The following FUT9 variants were observed in gnomAD, a reference collection of about 807,000 sequenced individuals.
The protein encoded by FUT9 is fucosyltransferase 9, also known as 4-galactosyl-N-acetylglucosaminide 3-alpha-L-fucosyltransferase 9.
FUT9 carries 15 observed loss-of-function variants against 29.7 expected under a neutral mutation model. That is an observed-to-expected ratio of 0.51 (90% CI 0.34 to 0.78). FUT9 has a LOEUF of 0.78. Among genes scored for constraint, FUT9 ranks in the 30% least tolerant of loss-of-function variants. FUT9 has a pLI of 0.01. For synonymous variants in FUT9, 169 were observed against 153.7 expected, an observed-to-expected ratio of 1.10 and a Z score of -0.74; for missense variants, 319 against 425.4, an observed-to-expected ratio of 0.75 and a Z score of 2.20.
intron 2 of FUT9, among the ~76,000 whole-genome samples, chr6:96,198,783 T>C (rs1300082415): frequency 6.6e-6 from 1 of 152,152 alleles, no homozygotes; most frequent in Non-Finnish European, 1.5e-5. Context: ...GCACCTGTTG[T>C]TTCCTGACTT....
intron 1 of FUT9, among the ~76,000 whole-genome samples, chr6:96,082,128 T>C (rs1771247205): frequency 6.6e-6 from 1 of 151,784 alleles, no homozygotes; most frequent in South Asian, 2.1e-4. Context: ...TTACTCTTTT[T>C]ATGGCATATT....
intron 2 of FUT9, among the ~76,000 whole-genome samples, chr6:96,172,036 C>A (rs968185582): frequency 1.9e-4 from 29 of 152,238 alleles, no homozygotes; most frequent in Admixed American, 1.6e-3. Context: ...AAATTTATTT[C>A]TAAGAGTTCC....
chr6:96,155,320 G>A (rs1445077201), intron 2 of FUT9, among the ~76,000 whole-genome samples: 1 of 152,090 alleles, frequency 6.6e-6, no homozygotes, highest in Non-Finnish European at 1.5e-5. Flanking sequence ...TCTGAAATGT[G>A]TTCTCAAATT....
At chr6:96,055,595 C>G (rs180677429) in intron 1 of FUT9, among the ~76,000 whole-genome samples, 1 of 151,342 alleles carries the variant, frequency 6.6e-6, no homozygotes, top group South Asian at 2.1e-4. Context: ...AAACATGCAT[C>G]ATGGGGGTTT....
intron 1 of FUT9, among the ~76,000 whole-genome samples, chr6:96,099,547 C>G (rs575530862): frequency 1.3e-5 from 2 of 152,046 alleles, no homozygotes; most frequent in Non-Finnish European, 2.9e-5. Flanking sequence ...CTTGGAGTGT[C>G]TCCTTTAAAA....
intron 1 of FUT9, among the ~76,000 whole-genome samples, chr6:96,073,371 C>A (rs1351376968): frequency 6.6e-6 from 1 of 151,796 alleles, no homozygotes; most frequent in Non-Finnish European, 1.5e-5. Flanking sequence ...GTCGCTTGAA[C>A]CCAGGAGGCT....
rs568816537 is a variant in FUT9 at position 96,097,772 on chromosome 6, T to A, written c.-97-16267T>A. Among the ~76,000 whole-genome samples the A allele has an allele frequency of 9.2e-5, 14 of 152,320 alleles. No individual in the cohort carries two copies. The South Asian group carries it at 2.9e-3, about 32-fold the overall frequency. On this transcript the variant is annotated intron_variant, in intron 1 of 2. Transcript: ENST00000302103. ...TTCCTCCTAAGTATAGTAACCCACA[T>A]AATGTATATTCACTTTGTATTTTAT...
chr6:96,062,708 AC>A (rs1770897368), intron 1 of FUT9, among the ~76,000 whole-genome samples: 1 of 152,128 alleles, frequency 6.6e-6, no homozygotes, highest in Non-Finnish European at 1.5e-5. Flanking sequence ...TCTTCTTTAT[AC>A]CTTTTTGTAT....
At chr6:96,139,803 G>A (rs1003876538) in intron 2 of FUT9, among the ~76,000 whole-genome samples, 1 of 152,154 alleles carries the variant, frequency 6.6e-6, no homozygotes, top group African/African-American at 2.4e-5. Context: ...CAGCTGAGAT[G>A]CAGGGGGCAC....
At chr6:96,087,933 C>T (rs1003177875) in intron 1 of FUT9, among the ~76,000 whole-genome samples, 1 of 152,058 alleles carries the variant, frequency 6.6e-6, no homozygotes, top group African/African-American at 2.4e-5. Flanking sequence ...TGTTTATTAG[C>T]TCTTGTATGT....
Position 96,214,787 on chromosome 6 carries a change from C to CT in FUT9, c.*10553dup, listed in dbSNP as rs1359493086. On this transcript the variant is annotated 3_prime_UTR_variant, in exon 3 of 3. Transcript: ENST00000302103. The stretch of plus-strand genomic sequence containing the variant: ...ACACTGTTGGAAGGTAATTTCATTG[C>CT]TATGTTATTAAAATGATGGGAATCC... 1.2e-5 allele frequency: 2 copies of CT among 166,864 alleles called. No homozygotes were observed. The highest frequency in any genetic ancestry group is 2.9e-5 in the Non-Finnish European group (2 of 68,030). The allele number at this position is 166,864 out of a possible 1,614,324, so 10.3% of individuals were successfully genotyped here. A position where few individuals can be genotyped will look rare whatever the true frequency, so the allele number is the denominator to read the frequency against.
chr6:96,164,098 G>A (rs1772965682), intron 2 of FUT9, among the ~76,000 whole-genome samples: 1 of 152,090 alleles, frequency 6.6e-6, no homozygotes, highest in Non-Finnish European at 1.5e-5. Flanking sequence ...GAACCTCAGT[G>A]CAACTCTATG....
chr6:96,064,467 A>G (rs1420632673), intron 1 of FUT9, among the ~76,000 whole-genome samples: 2 of 152,126 alleles, frequency 1.3e-5, no homozygotes, highest in Admixed American at 6.5e-5. Context: ...AAAGAAAAAA[A>G]TGAGGGGGCT....
chr6:96,193,646 G>A (rs940320556), intron 2 of FUT9, among the ~76,000 whole-genome samples: 17 of 152,026 alleles, frequency 1.1e-4, no homozygotes, highest in Non-Finnish European at 1.6e-4. Flanking sequence ...ACAGTGTGGC[G>A]ATTCCTCAAG....
intron 1 of FUT9, among the ~76,000 whole-genome samples, chr6:96,069,352 C>T (rs1008392556): frequency 6.6e-6 from 1 of 150,466 alleles, no homozygotes; most frequent in Non-Finnish European, 1.5e-5. Flanking sequence ...AGAAAAGAAT[C>T]ATCTTACCAA....
chr6:96,070,105 C>T (rs1291833469), intron 1 of FUT9, among the ~76,000 whole-genome samples: 1 of 151,914 alleles, frequency 6.6e-6, no homozygotes, highest in Non-Finnish European at 1.5e-5. Context: ...TAAAAATATG[C>T]AAACAAAAAG....
At chr6:96,051,646 C>A (rs535576079) in intron 1 of FUT9, among the ~76,000 whole-genome samples, 1 of 151,536 alleles carries the variant, frequency 6.6e-6, no homozygotes, top group Admixed American at 6.6e-5. Context: ...GAGCAAGATC[C>A]CATCTCTAAA....
At chr6:96,106,640 G>A (rs1771691665) in intron 1 of FUT9, among the ~76,000 whole-genome samples, 1 of 152,182 alleles carries the variant, frequency 6.6e-6, no homozygotes, top group Non-Finnish European at 1.5e-5. Flanking sequence ...AGTATGAAGT[G>A]CATTGCAGTC....
intron 1 of FUT9, among the ~76,000 whole-genome samples, chr6:96,055,279 C>T (rs928689482): frequency 3.9e-5 from 6 of 151,992 alleles, no homozygotes; most frequent in Non-Finnish European, 8.8e-5. Flanking sequence ...GTGCAGCATC[C>T]TTCTGCTCAG....
Sources: allele counts gnomAD v4.1 joint callset (sites outside exome capture counted in the v4.1 genomes callset), GRCh38; gene constraint gnomAD v4.1.1; transcripts MANE v1.5; gene names NCBI Gene and HGNC (gene_info 2026-07-23, HGNC 2026-07-21).